Variants in SULF1 observed in about 807,000 individuals in gnomAD.
SULF1 encodes extracellular sulfatase Sulf-1.
A neutral mutation model predicts 110.5 loss-of-function variants in SULF1; 46 were observed. The ratio of observed to expected loss-of-function variants is 0.42; its 90% confidence interval spans 0.33 to 0.53. The LOEUF (loss-of-function observed/expected upper bound fraction) is 0.53. SULF1 is among the 20% of genes least tolerant of loss of function. SULF1 has a pLI of 0.12. For missense variants in SULF1, 941 were observed against 1,094.2 expected (o/e 0.86, Z 1.98); for synonymous variants, 371 against 387.1 (o/e 0.96, Z 0.49).
intron 3 of SULF1, among the ~76,000 whole-genome samples, chr8:69,520,967 TA>T (rs1443244070): frequency 1.3e-5 from 2 of 152,190 alleles, no homozygotes; most frequent in African/African-American, 4.8e-5. Context: ...TAGTAGTTAC[TA>T]GAGACTGAGG....
At chr8:69,511,775 G>T (rs1811579164) in intron 3 of SULF1, among the ~76,000 whole-genome samples, 1 of 152,020 alleles carries the variant, frequency 6.6e-6, no homozygotes, top group African/African-American at 2.4e-5. Flanking sequence ...TTTTTCTATG[G>T]GTTTGGACAA....
intron 5 of SULF1, among the ~76,000 whole-genome samples, chr8:69,568,834 A>C (rs1391077080): frequency 6.6e-6 from 1 of 152,238 alleles, no homozygotes. Flanking sequence ...GATGACCGAG[A>C]GCATCAGTAC....
chr8:69,521,544 G>C (rs552300103), intron 3 of SULF1, among the ~76,000 whole-genome samples: 1 of 152,252 alleles, frequency 6.6e-6, no homozygotes, highest in East Asian at 1.9e-4. Flanking sequence ...AGAGAGAACA[G>C]CTAGAGCAAA....
At chr8:69,646,938 A>ATTTTT (rs532105097) in intron 22 of SULF1, among the ~76,000 whole-genome samples, 1,406 of 97,702 alleles carry the variant, frequency 0.014, 30 homozygotes, top group Non-Finnish European at 0.017. Flanking sequence ...GAGCCCTGGA[A>ATTTTT]TTTTTTTTTT....
At chr8:69,587,781 G>A (rs1409233280) in intron 7 of SULF1, among the ~76,000 whole-genome samples, 1 of 152,194 alleles carries the variant, frequency 6.6e-6, no homozygotes, top group Admixed American at 6.5e-5. Context: ...CTGTCCTAAA[G>A]AGAGCAAAGT....
chr8:69,508,005 T>C lies in SULF1; in HGVS notation c.-134+6037T>C, dbSNP rs942417869. On this transcript the variant is annotated intron_variant, in intron 3 of 22. Transcript: ENST00000402687. ...TGAAAAGAGGCACATTTTGAAGGAG[T>C]CCTTTTTTGGCAGACACTAAAGTAA... Among the ~76,000 whole-genome samples, 74 of 152,050 alleles carry C rather than the reference T, an allele frequency of 4.9e-4. 4 individuals are homozygous for C.
chr8:69,474,246 A>G (rs1764102639), intron 1 of SULF1, among the ~76,000 whole-genome samples: 1 of 152,214 alleles, frequency 6.6e-6, no homozygotes, highest in Admixed American at 6.5e-5. Flanking sequence ...TTGCATTCCA[A>G]TGTACATTTA....
chr8:69,549,450 T>C (rs1814529642), intron 3 of SULF1, among the ~76,000 whole-genome samples: 1 of 151,976 alleles, frequency 6.6e-6, no homozygotes, highest in East Asian at 1.9e-4. Context: ...GCACTTGAGA[T>C]GGTGAGAAAA....
chr8:69,470,913 C>T (rs1007934980), intron 1 of SULF1, among the ~76,000 whole-genome samples: 3 of 152,180 alleles, frequency 2.0e-5, no homozygotes, highest in African/African-American at 7.2e-5. Context: ...CAGCCCTAAC[C>T]ACTCTAGTTT....
At chr8:69,624,542 G>C (rs550615247) in intron 15 of SULF1, among the ~76,000 whole-genome samples, 1 of 152,316 alleles carries the variant, frequency 6.6e-6, no homozygotes, top group South Asian at 2.1e-4. Context: ...ACCTTCGCAG[G>C]CATCTAGAAA....
In SULF1 at chr8:69,600,732, A is replaced by G; in HGVS notation, c.864A>G (p.Ser288=). 2 of 1,613,974 alleles carry G rather than the reference A, an allele frequency of 1.2e-6. No homozygotes were observed. The highest frequency in any genetic ancestry group is 1.7e-6 in the Non-Finnish European group (2 of 1,179,884). Residue 288 remains serine (S), a synonymous_variant, in exon 9 of 23, where the codon TCA becomes TCG. Transcript: ENST00000402687. ...GCAAAAGGCTCCAGACTTTGATGTC[A>G]GTGGATGATTCTGTGGAGAGGGTAA... ...LQRKRLQTLM[S]VDDSVERLYN...
chr8:69,540,622 G>A (rs1168246444), intron 3 of SULF1, among the ~76,000 whole-genome samples: 3 of 152,210 alleles, frequency 2.0e-5, no homozygotes, highest in African/African-American at 7.2e-5. Flanking sequence ...CTGCCTTGGT[G>A]ACAGCGTTTC....
intron 2 of SULF1, among the ~76,000 whole-genome samples, chr8:69,498,113 CCACACACACACACACA>C (rs71257190): frequency 2.0e-5 from 3 of 148,616 alleles, no homozygotes; most frequent in African/African-American, 5.0e-5. Context: ...CTCTCTCTCT[CCACACACACACACACA>C]CACACACACA....
intron 8 of SULF1, among the ~76,000 whole-genome samples, chr8:69,593,913 T>C (rs1807091248): frequency 6.6e-6 from 1 of 152,214 alleles, no homozygotes; most frequent in Admixed American, 6.5e-5. Flanking sequence ...TGTCATCATA[T>C]ACACCTGTGG....
chr8:69,523,271 T>C (rs1812438115), intron 3 of SULF1, among the ~76,000 whole-genome samples: 1 of 152,134 alleles, frequency 6.6e-6, no homozygotes, highest in Non-Finnish European at 1.5e-5. Flanking sequence ...GTTGAGGAGT[T>C]GGGGAGACCT....
In SULF1 at chr8:69,575,953, G is replaced by A; in HGVS notation, c.173-17G>A. 1.2e-6 allele frequency: 2 copies of A among 1,612,530 alleles called. No individual in the cohort carries two copies. The highest frequency in any genetic ancestry group is 1.7e-6 in the Non-Finnish European group (2 of 1,179,166). On this transcript the variant is annotated splice_polypyrimidine_tract_variant and intron_variant, in intron 5 of 22. Coordinates refer to ENST00000402687, the MANE Select transcript of SULF1 (RefSeq NM_001128205.2). ...GTGCTGCACTTTGCTAAACAATGCT[G>A]GCACTGTGCCTTTCAGGGTCCCTGC...
chr8:69,631,263 G>A (rs1026902425), intron 19 of SULF1, among the ~76,000 whole-genome samples: 8 of 152,138 alleles, frequency 5.3e-5, no homozygotes, highest in African/African-American at 9.7e-5. Flanking sequence ...GGCAGAAGGA[G>A]GCCCTTCATA....
At chr8:69,635,745 C>T (rs1253425653) in intron 19 of SULF1, among the ~76,000 whole-genome samples, 1 of 152,146 alleles carries the variant, frequency 6.6e-6, no homozygotes, top group Non-Finnish European at 1.5e-5. Flanking sequence ...TGGTGCATAC[C>T]TGTAGTCCCA....
intron 3 of SULF1, among the ~76,000 whole-genome samples, chr8:69,528,952 G>A (rs1812889474): frequency 6.6e-6 from 1 of 152,102 alleles, no homozygotes; most frequent in South Asian, 2.1e-4. Flanking sequence ...TAAAATGTTT[G>A]GGTTGTGAAA....
Sources: gnomAD v4.1 joint callset for allele counts (sites outside exome capture counted in the v4.1 genomes callset) on GRCh38, gnomAD v4.1.1 for gene constraint, MANE v1.5 for transcripts, NCBI Gene and HGNC (gene_info 2026-07-23, HGNC 2026-07-21) for gene names.